The following EML6 variants were observed in gnomAD, a reference collection of about 807,000 sequenced individuals.
EML6 encodes the protein echinoderm microtubule-associated protein-like 6.
EML6 carries 154 observed loss-of-function variants against 240.1 expected under a neutral mutation model. That is an observed-to-expected ratio of 0.64 (90% CI 0.56 to 0.73). The LOEUF (loss-of-function observed/expected upper bound fraction) is 0.73. Among genes scored for constraint, EML6 ranks in the 30% least tolerant of loss-of-function variants. The pLI, the probability that EML6 is intolerant of heterozygous loss-of-function variation, is 0.00. For missense variants in EML6, 2,964 were observed against 2,474.6 expected (o/e 1.20, Z -4.20); for synonymous variants, 1,148 against 899.0 (o/e 1.28, Z -4.95).
chr2:54,866,454 T>C (rs907738013), intron 13 of EML6, among the ~76,000 whole-genome samples: 3 of 152,306 alleles, frequency 2.0e-5, no homozygotes, highest in South Asian at 2.1e-4. Flanking sequence ...TTTCTGGCCT[T>C]AGAAGAAATA....
Position 54,895,164 on chromosome 2 carries a change from G to A in EML6, c.2855-109G>A, listed in dbSNP as rs574372138. On this transcript the variant is annotated intron_variant, in intron 20 of 41. Coordinates refer to ENST00000356458, the MANE Select transcript of EML6 (RefSeq NM_001039753.4). Reference sequence around the variant, plus strand: ...AGAACTCTCTTCCTCTGGTAGAAATGTCAAGGCTGACTGCCTAGTACCTAG... The same window carrying A: ...AGAACTCTCTTCCTCTGGTAGAAATATCAAGGCTGACTGCCTAGTACCTAG... The A allele has an allele frequency of 9.6e-6, 13 of 1,353,612 alleles. No individual in the cohort carries two copies. In the East Asian group the frequency reaches 1.3e-4, roughly 13 times the overall value. The allele number at this position is 1,353,612 out of a possible 1,614,324, so 83.9% of individuals were successfully genotyped here.
At chr2:54,943,723 A>G (rs928116933) in intron 28 of EML6, among the ~76,000 whole-genome samples, 1 of 152,230 alleles carries the variant, frequency 6.6e-6, no homozygotes, top group Non-Finnish European at 1.5e-5. Context: ...TAGCAGGCAC[A>G]TTAAAAAAGT....
chr2:54,805,348 G>A (rs909204980), intron 2 of EML6, among the ~76,000 whole-genome samples: 6 of 152,100 alleles, frequency 3.9e-5, no homozygotes, highest in African/African-American at 1.4e-4. Context: ...GATCATAATG[G>A]TACGCATATG....
intron 2 of EML6, among the ~76,000 whole-genome samples, chr2:54,781,733 G>A (rs1341960595): frequency 3.9e-5 from 6 of 152,086 alleles, no homozygotes; most frequent in East Asian, 3.9e-4. Flanking sequence ...GCAGTGGTGC[G>A]ATCACACCTC....
intron 4 of EML6, 126 bp downstream of exon 4, chr2:54,817,011 T>A: frequency 3.2e-6 from 2 of 617,688 alleles, no homozygotes; most frequent in Admixed American, 5.4e-5. Flanking sequence ...ATTAAACTTA[T>A]AATCATCCTC....
At chr2:54,873,610 C>G (rs1459170266) in intron 16 of EML6, among the ~76,000 whole-genome samples, 1 of 149,714 alleles carries the variant, frequency 6.7e-6, no homozygotes, top group Non-Finnish European at 1.5e-5. Flanking sequence ...TTTTTGTTCT[C>G]CATAGTTCCA....
At chr2:54,849,697 C>G (rs1464851068) in intron 9 of EML6, among the ~76,000 whole-genome samples, 1 of 152,208 alleles carries the variant, frequency 6.6e-6, no homozygotes, top group Non-Finnish European at 1.5e-5. Flanking sequence ...ACCTTGTTAT[C>G]CAGGATGGTC....
At chr2:54,833,402 T>A (rs1303192132) in intron 7 of EML6, among the ~76,000 whole-genome samples, 1 of 152,246 alleles carries the variant, frequency 6.6e-6, no homozygotes, top group Non-Finnish European at 1.5e-5. Context: ...TGAACTAAGA[T>A]GGATACTAAG....
intron 18 of EML6, 120 bp downstream of exon 18, chr2:54,891,274 C>T (rs1478636142): frequency 1.1e-5 from 6 of 529,978 alleles, no homozygotes; most frequent in East Asian, 2.8e-5. Flanking sequence ...AAAAATGTGC[C>T]TAAAAAAATT....
intron 28 of EML6, among the ~76,000 whole-genome samples, chr2:54,933,203 G>C (rs545589339): frequency 6.6e-6 from 1 of 152,236 alleles, no homozygotes; most frequent in South Asian, 2.1e-4. Context: ...GGTGCTATTG[G>C]CTCTGGTGGG....
At chr2:54,796,423 A>C (rs1023098911) in intron 2 of EML6, among the ~76,000 whole-genome samples, 3 of 152,216 alleles carry the variant, frequency 2.0e-5, no homozygotes, top group Non-Finnish European at 4.4e-5. Context: ...AGGTGGAATC[A>C]CATTTATATA....
chr2:54,885,214 G>A (rs1467552079), intron 17 of EML6, among the ~76,000 whole-genome samples: 5 of 152,064 alleles, frequency 3.3e-5, no homozygotes, highest in African/African-American at 1.2e-4. Flanking sequence ...GGAGGTTGAG[G>A]CGGGCGGATC....
At chr2:54,961,027 G>GC (rs1676469577) in intron 35 of EML6, among the ~76,000 whole-genome samples, 1 of 151,812 alleles carries the variant, frequency 6.6e-6, no homozygotes, top group Non-Finnish European at 1.5e-5. Context: ...TTGCTTTCTA[G>GC]ATGCTGTCCA....
intron 36 of EML6, 26 bp downstream of exon 36, chr2:54,962,737 G>C (rs2104538860): frequency 1.4e-6 from 2 of 1,445,278 alleles, no homozygotes; most frequent in Non-Finnish European, 1.8e-6. Flanking sequence ...CCCAAACTCA[G>C]ATGCCCACGA....
intron 2 of EML6, among the ~76,000 whole-genome samples, chr2:54,787,361 A>G (rs1292556242): frequency 6.6e-6 from 1 of 152,186 alleles, no homozygotes; most frequent in African/African-American, 2.4e-5. Context: ...TTTATATTTT[A>G]AAAGTAAACC....
intron 2 of EML6, among the ~76,000 whole-genome samples, chr2:54,731,844 C>G (rs542867120): frequency 7.9e-5 from 12 of 152,284 alleles, no homozygotes; most frequent in East Asian, 5.8e-4. Context: ...CTCCTATCCT[C>G]AAGGTGTGGA....
intron 2 of EML6, among the ~76,000 whole-genome samples, chr2:54,736,861 T>C (rs1683420196): frequency 6.6e-6 from 1 of 152,152 alleles, no homozygotes; most frequent in African/African-American, 2.4e-5. Flanking sequence ...ATGGCGTCAA[T>C]CTAATAATGA....
intron 7 of EML6, among the ~76,000 whole-genome samples, chr2:54,842,987 G>C (rs79071056): frequency 0.01 from 1,572 of 152,206 alleles, 26 homozygotes; most frequent in African/African-American, 0.036. Context: ...TGTTTATTCC[G>C]TAGGATATAT....
At chr2:54,937,945 C>T (rs1003907458) in intron 28 of EML6, among the ~76,000 whole-genome samples, 3 of 152,194 alleles carry the variant, frequency 2.0e-5, no homozygotes, top group African/African-American at 7.2e-5. Flanking sequence ...TATAAAACCT[C>T]TTTATACGTA....
Sources: allele counts gnomAD v4.1 joint callset (sites outside exome capture counted in the v4.1 genomes callset), GRCh38; gene constraint gnomAD v4.1.1; transcripts MANE v1.5; gene names NCBI Gene and HGNC (gene_info 2026-07-23, HGNC 2026-07-21).